Variants in COMMD8 observed in about 807,000 individuals in gnomAD.
The protein encoded by COMMD8 is COMM domain-containing protein 8.
A neutral mutation model predicts 27.2 loss-of-function variants in COMMD8; 28 were observed. That is an observed-to-expected ratio of 1.03 (90% CI 0.76 to 1.41). The LOEUF (loss-of-function observed/expected upper bound fraction) is 1.41, where lower values mean the gene tolerates loss of function less well. Among genes scored for constraint, COMMD8 ranks in the 40% most tolerant of loss-of-function variants. The pLI is 0.00. For missense variants in COMMD8, 217 were observed against 211.2 expected (o/e 1.03, Z -0.17); for synonymous variants, 79 against 75.5 (o/e 1.05, Z -0.24).
rs1467804944 is a variant in COMMD8, at chr4:47,451,455, T to C, written c.*190A>G. ...GATTTTTCATCTTTCATTTTATGCA[T>C]TTCCTCTCAACCATGTAATTTCCTG... On this transcript the variant is annotated 3_prime_UTR_variant, in exon 5 of 5. Coordinates refer to ENST00000381571, the MANE Select transcript of COMMD8 (RefSeq NM_017845.5). 4 of 505,594 alleles carry C rather than the reference T, an allele frequency of 7.9e-6. No individual in the cohort carries two copies. Among genetic ancestry groups the C allele is most frequent in the East Asian group, 7.3e-5 (2 of 27,312 alleles). The allele number at this position is 505,594 out of a possible 1,614,324, so 31.3% of individuals were successfully genotyped here.
chr4:47,457,588 T>C (rs193139714), intron 2 of COMMD8, among the ~76,000 whole-genome samples: 3 of 152,316 alleles, frequency 2.0e-5, no homozygotes, highest in East Asian at 3.9e-4. Context: ...TCTGAGCCAT[T>C]TGGCAAACCA....
In COMMD8 at chr4:47,456,641, G is replaced by A; in HGVS notation, c.311C>T (p.Ala104Val). ...VKSRKDEIKQ[A>V]LSREIVAISS... ...AATAGCAACTATTTCTCTTGACAGA[G>A]CCTGTTTGATTTCATCTTTCCTACT... The change falls in exon 3 of 5, where the codon GCT (alanine) becomes GTT (valine). Residue 104 changes from alanine (A) to valine (V), a missense_variant. Ala to Val is a moderately conservative substitution (Grantham distance 64). Transcript: ENST00000381571. 1 of 1,609,940 alleles carries A rather than the reference G, an allele frequency of 6.2e-7. No homozygotes were observed. Among genetic ancestry groups the A allele is most frequent in the Non-Finnish European group, 8.5e-7 (1 of 1,178,320 alleles).
intron 1 of COMMD8, among the ~76,000 whole-genome samples, chr4:47,463,263 T>C (rs559144123): frequency 1.3e-5 from 2 of 152,298 alleles, no homozygotes; most frequent in South Asian, 4.1e-4. Flanking sequence ...AGGGAGCCTT[T>C]GGGAGGTTAT....
chr4:47,453,647 C>T (rs1729813724), intron 3 of COMMD8, among the ~76,000 whole-genome samples: 1 of 152,126 alleles, frequency 6.6e-6, no homozygotes, highest in Admixed American at 6.5e-5. Context: ...AGCTATCTAT[C>T]ACAATATTGA....
At chr4:47,454,678 C>T (rs988236192) in intron 3 of COMMD8, among the ~76,000 whole-genome samples, 15 of 151,736 alleles carry the variant, frequency 9.9e-5, no homozygotes, top group Admixed American at 6.6e-4. Context: ...CCAGCATGAC[C>T]GACATGGCAA....
At position 47,460,298 on chromosome 4, in the gene COMMD8, A is replaced by C; in HGVS notation, c.68T>G (p.Leu23Arg). 6.2e-7 allele frequency: 1 copy of C among 1,609,792 alleles called. No individual in the cohort carries two copies. Among genetic ancestry groups the C allele is most frequent in the East Asian group, 2.2e-5 (1 of 44,674 alleles). The change falls in exon 2 of 5, where the codon CTT becomes CGT. Residue 23 changes from leucine to arginine, a missense_variant and splice_region_variant. Transcript: ENST00000381571. Reference sequence around the variant, plus strand: ...AATGCCATCAATTATTTTGTGAAGAAGCTAGCAAGAAAAAAGGAAATAAAT... The same window carrying C: ...AATGCCATCAATTATTTTGTGAAGACGCTAGCAAGAAAAAAGGAAATAAAT... The part of the protein sequence containing the change: ...QKLPAELGPQ[L>R]LHKIIDGICG...
intron 1 of COMMD8, among the ~76,000 whole-genome samples, chr4:47,460,681 T>A (rs1730001598): frequency 6.6e-6 from 1 of 151,834 alleles, no homozygotes; most frequent in Non-Finnish European, 1.5e-5. Context: ...CACAACATAC[T>A]TTTTTTTCTT....
rs1553886684 is a variant in COMMD8 at position 47,456,296 on chromosome 4, A to ATATG, written c.375+280_375+281insCATA. Among the ~76,000 whole-genome samples, 14 of 127,988 alleles carry ATATG rather than the reference A, an allele frequency of 1.1e-4. No homozygotes were observed. In the South Asian group the frequency reaches 3.2e-3, roughly 29 times the overall value. 84.0% of individuals were successfully genotyped at this position (127,988 alleles called of 152,430 possible). A position where few individuals can be genotyped will look rare whatever the true frequency, so the allele number is the denominator to read the frequency against. ...TATATATATATATATATATATATAT[A>ATATG]TATATGTATATGTTGACTATATGCT... On this transcript the variant is annotated intron_variant, in intron 3 of 4. Transcript: ENST00000381571.
chr4:47,456,478 C>T, intron 3 of COMMD8, 99 bp downstream of exon 3: 1 of 801,836 alleles, frequency 1.2e-6, no homozygotes, highest in Non-Finnish European at 1.8e-6. Flanking sequence ...TGGGATAATA[C>T]ATTCCCAAAA....
intron 3 of COMMD8, 141 bp from the exon 4 acceptor site, chr4:47,453,355 G>A: frequency 1.6e-6 from 1 of 630,570 alleles, no homozygotes; most frequent in East Asian, 2.8e-5. Flanking sequence ...AATAAATTAA[G>A]TCCATGCTAA....
chr4:47,462,432 G>A (rs978510942), intron 1 of COMMD8, among the ~76,000 whole-genome samples: 18 of 152,126 alleles, frequency 1.2e-4, no homozygotes, highest in African/African-American at 4.3e-4. Flanking sequence ...GGTCCAGGGG[G>A]AAAGAAGAGC....
chr4:47,456,298 A>ATG lies in COMMD8; in HGVS notation c.375+278_375+279insCA, dbSNP rs1553886686. 3.9e-3 allele frequency among the ~76,000 whole-genome samples: 505 copies of ATG among 131,044 alleles called. 5 individuals carry two copies. The highest frequency in any genetic ancestry group is 0.014 in the African/African-American group (487 of 34,028). 86.0% of individuals were successfully genotyped at this position (131,044 alleles called of 152,430 possible). On this transcript the variant is annotated intron_variant, in intron 3 of 4. Transcript: ENST00000381571. ...TATATATATATATATATATATATAT[A>ATG]TATGTATATGTTGACTATATGCTGC...
chr4:47,460,087 C>CA (rs1560391315), intron 2 of COMMD8, 57 bp downstream of exon 2: 4 of 1,470,494 alleles, frequency 2.7e-6, no homozygotes, highest in Admixed American at 1.9e-5. Flanking sequence ...CTAAAAAACT[C>CA]AGAGAGAAAC....
intron 1 of COMMD8, among the ~76,000 whole-genome samples, chr4:47,461,681 A>G (rs71611998): frequency 6.6e-6 from 1 of 152,156 alleles, no homozygotes; most frequent in Non-Finnish European, 1.5e-5. Flanking sequence ...AAATGACTTT[A>G]TTTAATGGCA....
At chr4:47,453,641 A>T (rs1729813482) in intron 3 of COMMD8, among the ~76,000 whole-genome samples, 1 of 152,210 alleles carries the variant, frequency 6.6e-6, no homozygotes, top group Admixed American at 6.5e-5. Context: ...ATGGTCAGCT[A>T]TCTATCACAA....
At chr4:47,452,571 C>T (rs938083039) in intron 4 of COMMD8, among the ~76,000 whole-genome samples, 4 of 152,072 alleles carry the variant, frequency 2.6e-5, no homozygotes, top group African/African-American at 9.7e-5. Context: ...TTGAACATTA[C>T]AAGTTATAAT....
intron 2 of COMMD8, among the ~76,000 whole-genome samples, chr4:47,457,571 A>T (rs139224364): frequency 1.2e-4 from 18 of 152,314 alleles, no homozygotes; most frequent in African/African-American, 4.1e-4. Flanking sequence ...ACCATAACGT[A>T]CCATATTCTG....
intron 1 of COMMD8, among the ~76,000 whole-genome samples, chr4:47,461,637 TG>T (rs35949070): frequency 6.6e-6 from 1 of 152,172 alleles, no homozygotes; most frequent in South Asian, 2.1e-4. Context: ...AATAAAGTCA[TG>T]GAAATGACCT....
intron 1 of COMMD8, among the ~76,000 whole-genome samples, chr4:47,462,733 T>C (rs746590334): frequency 6.6e-6 from 1 of 152,212 alleles, no homozygotes. Flanking sequence ...TGCCACTAAC[T>C]GGATGGGCAA....
Sources: allele counts gnomAD v4.1 joint callset (sites outside exome capture counted in the v4.1 genomes callset), GRCh38; gene constraint gnomAD v4.1.1; transcripts MANE v1.5; gene names NCBI Gene and HGNC (gene_info 2026-07-23, HGNC 2026-07-21).